Variants in EBF1 observed in about 807,000 individuals in gnomAD.
EBF1 encodes EBF transcription factor 1, also known as transcription factor COE1.
Under a neutral mutation model 68.4 loss-of-function variants are expected in EBF1, and 10 were observed. The ratio of observed to expected loss-of-function variants is 0.15; its 90% CI spans 0.09 to 0.25. The LOEUF is 0.25. Among genes scored for constraint, EBF1 ranks in the 10% least tolerant of loss-of-function variants. The pLI, the probability that EBF1 is intolerant of heterozygous loss-of-function variation, is 1.00. For missense variants in EBF1, 509 were observed against 794.4 expected, an observed-to-expected ratio of 0.64 and a Z score of 4.32; for synonymous variants, 298 against 299.8, an observed-to-expected ratio of 0.99 and a Z score of 0.06.
intron 6 of EBF1, among the ~76,000 whole-genome samples, chr5:158,988,558 G>C (rs142902868): frequency 6.6e-6 from 1 of 152,262 alleles, no homozygotes; most frequent in African/African-American, 2.4e-5. Context: ...TCTATTGCTT[G>C]TAAACCAAAG....
At chr5:158,740,932 G>A (rs1017443009) in intron 10 of EBF1, among the ~76,000 whole-genome samples, 10 of 152,222 alleles carry the variant, frequency 6.6e-5, no homozygotes, top group Admixed American at 3.3e-4. Context: ...TCCCTTCAAA[G>A]CATCCCTAAG....
chr5:158,719,591 G>A (rs1761502433), intron 11 of EBF1, among the ~76,000 whole-genome samples: 1 of 152,146 alleles, frequency 6.6e-6, no homozygotes, highest in South Asian at 2.1e-4. Context: ...CTCCTAGAGT[G>A]AAGGGAAAGG....
intron 7 of EBF1, among the ~76,000 whole-genome samples, chr5:158,828,646 G>A (rs1213954654): frequency 2.0e-5 from 3 of 152,168 alleles, no homozygotes; most frequent in African/African-American, 7.2e-5. Flanking sequence ...TTGTCATATT[G>A]TAAAATAACT....
intron 6 of EBF1, among the ~76,000 whole-genome samples, chr5:158,981,196 T>C (rs970344801): frequency 6.7e-6 from 1 of 149,270 alleles, no homozygotes; most frequent in Non-Finnish European, 1.5e-5. Flanking sequence ...TGCATCAAAA[T>C]GACTCCAACA....
chr5:158,843,170 T>G (rs1790671221), intron 6 of EBF1, among the ~76,000 whole-genome samples: 1 of 152,044 alleles, frequency 6.6e-6, no homozygotes, highest in South Asian at 2.1e-4. Context: ...TCCCCAGGGT[T>G]GGTAATATTT....
intron 6 of EBF1, among the ~76,000 whole-genome samples, chr5:159,061,119 A>ATTATT (rs1561916012): frequency 4.6e-5 from 7 of 151,638 alleles, no homozygotes; most frequent in African/African-American, 1.7e-4. Flanking sequence ...GGTATTTCTT[A>ATTATT]ATTATTATTA....
chr5:158,941,280 T>C lies in EBF1; in HGVS notation c.555-101170A>G, dbSNP rs765868344. 13 of 455,542 alleles carry C rather than the reference T, an allele frequency of 2.9e-5. No homozygotes were observed. The Middle Eastern group carries it at 9.7e-4, about 34-fold the overall frequency. 28.2% of individuals were successfully genotyped at this position (455,542 alleles called of 1,614,324 possible). On this transcript the variant is annotated intron_variant, in intron 6 of 15. Transcript: ENST00000313708. Reference sequence around the variant, plus strand: ...AACAATGCAGACTGGAGACGTTGAATCAGGAACACGTACAAATACAGCAAA... The same window carrying C: ...AACAATGCAGACTGGAGACGTTGAACCAGGAACACGTACAAATACAGCAAA...
At chr5:158,906,323 G>T (rs1177798658) in intron 6 of EBF1, among the ~76,000 whole-genome samples, 1 of 115,026 alleles carries the variant, frequency 8.7e-6, no homozygotes. Flanking sequence ...AAAAAAAAAA[G>T]CAAAGAGACT....
chr5:159,084,569 A>AT, intron 5 of EBF1, 97 bp downstream of exon 5: 1 of 923,680 alleles, frequency 1.1e-6, no homozygotes, highest in Non-Finnish European at 1.5e-6. Flanking sequence ...ACAAATGTGT[A>AT]CCAAAAAAAA....
At chr5:158,704,329 G>A (rs1157415973) in intron 15 of EBF1, among the ~76,000 whole-genome samples, 3 of 152,216 alleles carry the variant, frequency 2.0e-5, no homozygotes, top group African/African-American at 4.8e-5. Context: ...TGGGGAAGAG[G>A]TCTTTTAGGA....
chr5:158,805,506 A>C (rs145871339), intron 8 of EBF1, among the ~76,000 whole-genome samples: 1 of 152,176 alleles, frequency 6.6e-6, no homozygotes, highest in African/African-American at 2.4e-5. Context: ...CAAATTCAGC[A>C]ATAAAAACAT....
At chr5:158,708,561 C>A (rs1293231346) in intron 14 of EBF1, among the ~76,000 whole-genome samples, 1 of 152,044 alleles carries the variant, frequency 6.6e-6, no homozygotes, top group Non-Finnish European at 1.5e-5. Context: ...GTATTCCAGG[C>A]CAGGAAACAA....
chr5:159,096,156 G>A (rs903337583), intron 3 of EBF1, 187 bp downstream of exon 3: 5 of 628,858 alleles, frequency 8.0e-6, no homozygotes, highest in Non-Finnish European at 5.5e-6. Flanking sequence ...GACCGATAAG[G>A]CTCTTGGGCC....
At chr5:158,987,958 C>T (rs918458715) in intron 6 of EBF1, among the ~76,000 whole-genome samples, 1 of 152,188 alleles carries the variant, frequency 6.6e-6, no homozygotes, top group African/African-American at 2.4e-5. Context: ...CCCCCCGGGG[C>T]TCACTGGAGC....
chr5:159,096,934 C>G (rs755548657), intron 2 of EBF1, 40 bp downstream of exon 2: 1 of 1,605,800 alleles, frequency 6.2e-7, no homozygotes, highest in South Asian at 1.1e-5. Context: ...GCTCCCGAGC[C>G]GAGCCGGGGA....
chr5:158,921,139 T>C (rs1188211582), intron 6 of EBF1, among the ~76,000 whole-genome samples: 2 of 152,198 alleles, frequency 1.3e-5, no homozygotes, highest in East Asian at 1.9e-4. Flanking sequence ...CTAATGATGG[T>C]TCTGCAAATA....
intron 11 of EBF1, among the ~76,000 whole-genome samples, chr5:158,729,335 T>C (rs902015673): frequency 2.0e-5 from 3 of 152,156 alleles, no homozygotes; most frequent in African/African-American, 4.8e-5. Flanking sequence ...GATCAAATGG[T>C]AAAGCAAGTG....
At chr5:159,044,154 A>G (rs1479363037) in intron 6 of EBF1, among the ~76,000 whole-genome samples, 1 of 152,244 alleles carries the variant, frequency 6.6e-6, no homozygotes, top group African/African-American at 2.4e-5. Flanking sequence ...CATATGAAGA[A>G]ATTATCTATT....
intron 10 of EBF1, among the ~76,000 whole-genome samples, chr5:158,738,077 C>T (rs1765585399): frequency 6.6e-6 from 1 of 152,166 alleles, no homozygotes; most frequent in South Asian, 2.1e-4. Flanking sequence ...TATCCCCATT[C>T]ATGTAGAAGC....
Sources: allele counts gnomAD v4.1 joint callset (sites outside exome capture counted in the v4.1 genomes callset), GRCh38; gene constraint gnomAD v4.1.1; transcripts MANE v1.5; gene names NCBI Gene and HGNC (gene_info 2026-07-23, HGNC 2026-07-21).